Variants in PER2 observed in about 807,000 individuals in gnomAD.
PER2 encodes period circadian regulator 2.
A neutral mutation model predicts 121.0 loss-of-function variants in PER2; 66 were observed. The ratio of observed to expected loss-of-function variants is 0.55; its 90% CI spans 0.45 to 0.67. The LOEUF is 0.67. Ranked by LOEUF, PER2 falls within the 30% of genes least tolerant of loss-of-function variation. The probability of loss-of-function intolerance (pLI) is 0.00; values close to 1 mark genes in which losing one functional copy is unlikely to be tolerated. For missense variants in PER2, 1,521 were observed against 1,635.0 expected, an observed-to-expected ratio of 0.93 and a Z score of 1.20; for synonymous variants, 684 against 659.9, an observed-to-expected ratio of 1.04 and a Z score of -0.56.
intron 1 of PER2, 99 bp downstream of exon 1, chr2:238,288,250 A>C (rs1346784247): frequency 6.6e-6 from 1 of 152,244 alleles, no homozygotes; most frequent in African/African-American, 2.4e-5. Context: ...GGCCTTCCCC[A>C]TGCGAGGGGA....
chr2:238,289,707 C>T (rs866748097), upstream of PER2: 1 of 152,236 alleles, frequency 6.6e-6, no homozygotes, highest in African/African-American at 2.4e-5. Flanking sequence ...GAAAGGGACG[C>T]CTTACAACGG....
intron 1 of PER2, among the ~76,000 whole-genome samples, chr2:238,287,854 CT>C (rs1358324096): frequency 6.6e-6 from 1 of 152,224 alleles, no homozygotes; most frequent in Non-Finnish European, 1.5e-5. Context: ...CTCCCACCCC[CT>C]GGTCTATGTC....
chr2:238,277,155 T>C lies in PER2; in HGVS notation c.269A>G (p.His90Arg). 3 of 1,613,442 alleles carry C rather than the reference T, an allele frequency of 1.9e-6. No homozygotes were observed. Among genetic ancestry groups the C allele is most frequent in the South Asian group, 1.1e-5 (1 of 91,072 alleles). Residue 90 changes from histidine to arginine, a missense_variant, in exon 3 of 23, where the codon CAC (histidine) becomes CGC (arginine). By Grantham distance (29) the His-to-Arg change is conservative (BLOSUM62 0). Coordinates refer to ENST00000254657, the MANE Select transcript of PER2 (RefSeq NM_022817.3). The part of the protein sequence containing the change: ...TFSLMMAKSE[H>R]NPSTSGCSSD... ...CCTGCAGCCACTTGTAGATGGGTTGTGTTCAGATTTTGCCATCATCAGGCT... is the reference window on the plus strand; with the variant it reads ...CCTGCAGCCACTTGTAGATGGGTTGCGTTCAGATTTTGCCATCATCAGGCT...
At chr2:238,276,327 G>T (rs1696454385) in intron 3 of PER2, among the ~76,000 whole-genome samples, 1 of 152,256 alleles carries the variant, frequency 6.6e-6, no homozygotes, top group Non-Finnish European at 1.5e-5. Context: ...TTCTCGCTGG[G>T]AGACAAATTG....
At chr2:238,295,528 G>A in the PER2 span, 1 of 152,204 alleles carries the variant, frequency 6.6e-6, no homozygotes, top group African/African-American at 2.4e-5. Flanking sequence ...ACAGGCAAAG[G>A]GGTCTGATTG....
Position 238,255,868 on chromosome 2 carries a change from G to A in PER2, c.2109C>T (p.Cys703=). 6.2e-7 allele frequency: 1 copy of A among 1,614,208 alleles called. No individual in the cohort carries two copies. The highest frequency in any genetic ancestry group is 8.5e-7 in the Non-Finnish European group (1 of 1,180,028). ...CACAGGCCAGGGCAGGGCCCGCCAGGCAGTCCAGGGATTCTGGCCCACTCG... is the reference window on the plus strand; with the variant it reads ...CACAGGCCAGGGCAGGGCCCGCCAGACAGTCCAGGGATTCTGGCCCACTCG... ...DAASGPESLD[C]LAGPALACGL... is the part of the protein sequence containing the mutation. Residue 703 remains cysteine, a synonymous_variant, in exon 18 of 23, where the codon TGC becomes TGT. Coordinates refer to ENST00000254657, the MANE Select transcript of PER2 (RefSeq NM_022817.3).
chr2:238,283,039 G>A (rs1696676869), intron 1 of PER2, among the ~76,000 whole-genome samples: 1 of 151,992 alleles, frequency 6.6e-6, no homozygotes. Flanking sequence ...CGGATGACGT[G>A]CCACACCACT....
chr2:238,297,846 T>C, the PER2 span, among the ~76,000 whole-genome samples: 2,022 of 152,226 alleles, frequency 0.013, 38 homozygotes, highest in South Asian at 0.069. Context: ...ATCCAAGGCA[T>C]GGTTTCCCAA....
intron 1 of PER2, among the ~76,000 whole-genome samples, chr2:238,282,865 G>A (rs1050078429): frequency 6.6e-6 from 1 of 152,228 alleles, no homozygotes; most frequent in African/African-American, 2.4e-5. Context: ...GGTGTAGGTG[G>A]CATTTGACAA....
chr2:238,279,325 A>G (rs1200542277), intron 1 of PER2, among the ~76,000 whole-genome samples: 1 of 152,168 alleles, frequency 6.6e-6, no homozygotes, highest in East Asian at 1.9e-4. Flanking sequence ...CCCAACACAC[A>G]GCTTCCCAGC....
intron 1 of PER2, among the ~76,000 whole-genome samples, chr2:238,281,913 A>T (rs959110998): frequency 6.6e-6 from 1 of 152,172 alleles, no homozygotes; most frequent in Non-Finnish European, 1.5e-5. Context: ...GAATATAAAA[A>T]CCTGGGAAGA....
intron 8 of PER2, among the ~76,000 whole-genome samples, chr2:238,267,419 T>C (rs963396972): frequency 6.6e-6 from 1 of 152,048 alleles, no homozygotes; most frequent in Non-Finnish European, 1.5e-5. Flanking sequence ...TGAGCTGGAT[T>C]CTGTGAGTGA....
In PER2 at chr2:238,253,111, G is replaced by C; in HGVS notation, c.2912C>G (p.Ser971Trp). 3.1e-6 allele frequency: 5 copies of C among 1,604,838 alleles called. No individual in the cohort carries two copies. Among genetic ancestry groups the C allele is most frequent in the Non-Finnish European group, 4.3e-6 (5 of 1,173,152 alleles). ...CGGTGGGGAGGCCCTACCCATGGCC[G>C]ATGGTGGGGTGGCCCGGGTGGCTGG... ...ACPATRATPP[S>W]AMGRASPPLF... The change falls in exon 19 of 23, where the codon TCG becomes TGG. Residue 971 changes from serine to tryptophan, a missense_variant. Physicochemically the swap from Ser to Trp is radical, Grantham distance 177. Transcript: ENST00000254657. This position sits in a 1 kb window ranked among gnomAD's most constrained non-coding sequence, Gnocchi z 5.6.
chr2:238,294,763 C>G (rs553370023), upstream of PER2, among the ~76,000 whole-genome samples: 2 of 152,230 alleles, frequency 1.3e-5, no homozygotes, highest in Admixed American at 1.3e-4. Context: ...GCCTGAGAAC[C>G]AGCTGGCTCA....
chr2:238,274,237 T>G (rs1052508949), intron 4 of PER2, among the ~76,000 whole-genome samples: 3 of 152,230 alleles, frequency 2.0e-5, no homozygotes, highest in Non-Finnish European at 4.4e-5. Context: ...GTGTCGGTGC[T>G]CATGGCCACA....
At position 238,283,218 on chromosome 2, in the gene PER2, C is replaced by T. The variant is rs982425540; in HGVS notation, c.-20+5131G>A. ...GACCTTTCTGAAGTTGTCTTTCTTT[C>T]CTTCCTTCCTGTTTTGGCACAGCCT... is the stretch of plus-strand genomic sequence containing the variant. On this transcript the variant is annotated intron_variant, in intron 1 of 22. Coordinates refer to ENST00000254657, the MANE Select transcript of PER2 (RefSeq NM_022817.3). Among the ~76,000 whole-genome samples, 6 of 152,346 alleles carry T rather than the reference C, an allele frequency of 3.9e-5. No homozygotes were observed. In the East Asian group the frequency reaches 1.2e-3, roughly 29 times the overall value.
In PER2 at chr2:238,287,168, G is replaced by A. The variant is rs190965588; in HGVS notation, c.-20+1181C>T. On this transcript the variant is annotated intron_variant, in intron 1 of 22. Transcript: ENST00000254657. ...AGTCTCCACAGAAAGCCAGGGCTGC[G>A]TTAGTTCTGTACCAATGAATCATAC... 1.1e-3 allele frequency among the ~76,000 whole-genome samples: 168 copies of A among 152,300 alleles called. 1 individual carries two copies. The highest frequency in any genetic ancestry group is 3.5e-3 in the African/African-American group (145 of 41,544).
rs1338793957 is a variant in PER2, at chr2:238,268,684, GAC to G, written c.824+237_824+238del. 1.3e-5 allele frequency among the ~76,000 whole-genome samples: 2 copies of G among 152,222 alleles called. No homozygotes were observed. Among genetic ancestry groups the G allele is most frequent in the Non-Finnish European group, 2.9e-5 (2 of 68,036 alleles). ...GACCCTGGGGTACAGGCCTTTGCAA[GAC>G]ACAGAGAGAAAGTGCAGGTCCATGA... On this transcript the variant is annotated intron_variant, in intron 7 of 22. Transcript: ENST00000254657. The surrounding 1 kb of genome is among the most constrained non-coding windows in gnomAD (Gnocchi z 4.0).
upstream of PER2, among the ~76,000 whole-genome samples, chr2:238,288,888 A>G (rs370370683): frequency 1.2e-4 from 18 of 151,930 alleles, no homozygotes; most frequent in East Asian, 2.5e-3. Context: ...GGCGGGGCCT[A>G]CGAACGCCGC....
Sources: gnomAD v4.1 joint callset for allele counts (sites outside exome capture counted in the v4.1 genomes callset) on GRCh38, gnomAD v4.1.1 for gene constraint, Gnocchi (gnomAD v3.1) non-coding constraint, MANE v1.5 for transcripts, NCBI Gene and HGNC (gene_info 2026-07-23, HGNC 2026-07-21) for gene names.